CDH12: variants seen among roughly 807,000 people sequenced by gnomAD.
The protein encoded by CDH12 is cadherin-12.
A neutral mutation model predicts 74.1 loss-of-function variants in CDH12; 41 were observed. That is an observed-to-expected ratio of 0.55 (90% CI 0.43 to 0.72). CDH12 has a LOEUF of 0.72. Ranked by LOEUF, CDH12 falls within the 30% of genes least tolerant of loss-of-function variation. The pLI, the probability that CDH12 is intolerant of heterozygous loss-of-function variation, is 0.00. For missense variants in CDH12, 945 were observed against 977.2 expected (o/e 0.97, Z 0.44); for synonymous variants, 399 against 355.0 (o/e 1.12, Z -1.39).
chr5:22,380,373 T>C (rs1367514892), intron 3 of CDH12, among the ~76,000 whole-genome samples: 1 of 152,206 alleles, frequency 6.6e-6, no homozygotes, highest in African/African-American at 2.4e-5. Flanking sequence ...GTTCTTTTGT[T>C]ATAACTCTCT....
At chr5:22,836,251 T>C (rs543217914) in intron 1 of CDH12, among the ~76,000 whole-genome samples, 1 of 129,294 alleles carries the variant, frequency 7.7e-6, no homozygotes, top group East Asian at 2.6e-4. Flanking sequence ...TGAGACAGAG[T>C]CTCGCTCTGT....
chr5:22,317,392 CAT>C (rs1738678811), intron 3 of CDH12, among the ~76,000 whole-genome samples: 1 of 151,846 alleles, frequency 6.6e-6, no homozygotes, highest in African/African-American at 2.4e-5. Flanking sequence ...TGAAAGAAAA[CAT>C]ATTCACAAAT....
chr5:21,842,111 A>G (rs766189327), intron 8 of CDH12, 50 bp downstream of exon 8: 2 of 1,431,780 alleles, frequency 1.4e-6, no homozygotes, highest in Non-Finnish European at 1.9e-6. Flanking sequence ...TGACACCATT[A>G]AATTTTTTTA....
chr5:21,761,585 T>C (rs1413543132), intron 12 of CDH12, among the ~76,000 whole-genome samples: 1 of 152,076 alleles, frequency 6.6e-6, no homozygotes, highest in African/African-American at 2.4e-5. Context: ...TCCCAGTGTG[T>C]AAAGCATGCA....
chr5:21,759,257 CTT>C (rs147142001), intron 13 of CDH12, among the ~76,000 whole-genome samples: 7 of 149,090 alleles, frequency 4.7e-5, no homozygotes, highest in Non-Finnish European at 7.5e-5. Flanking sequence ...TGTTAAGTGG[CTT>C]TTTTTTTAAT....
intron 13 of CDH12, among the ~76,000 whole-genome samples, chr5:21,758,520 A>C (rs1216518873): frequency 6.6e-6 from 1 of 152,170 alleles, no homozygotes; most frequent in Non-Finnish European, 1.5e-5. Context: ...TTTTATTATC[A>C]GGTTATAAAA....
rs565769897 is a variant in CDH12, at chr5:22,075,412, G to A, written c.231+3034C>T. ...ACCAACATGGCACATGTATACATCT[G>A]TAACAAACCTGCACGTTGTGCACAT... On this transcript the variant is annotated intron_variant, in intron 5 of 14. Transcript: ENST00000382254. 1.9e-4 allele frequency among the ~76,000 whole-genome samples: 29 copies of A among 151,886 alleles called. No homozygotes were observed. In the South Asian group the frequency reaches 6.0e-3, roughly 32 times the overall value.
chr5:22,388,161 T>A (rs1742082412), intron 3 of CDH12, among the ~76,000 whole-genome samples: 2 of 152,138 alleles, frequency 1.3e-5, no homozygotes. Context: ...GAAAATATTC[T>A]TTTGTGAGTC....
At chr5:22,107,599 A>G (rs1744551770) in intron 4 of CDH12, among the ~76,000 whole-genome samples, 1 of 152,000 alleles carries the variant, frequency 6.6e-6, no homozygotes, top group Admixed American at 6.6e-5. Context: ...ATAAAATGTG[A>G]AGATTAATTA....
intron 5 of CDH12, among the ~76,000 whole-genome samples, chr5:22,035,706 T>TCACACA (rs1386026784): frequency 1.6e-3 from 191 of 117,038 alleles, no homozygotes; most frequent in African/African-American, 6.4e-3. Context: ...TTTTTACACT[T>TCACACA]CACACATACA....
chr5:22,558,313 A>G (rs1738893464), intron 1 of CDH12, among the ~76,000 whole-genome samples: 1 of 152,108 alleles, frequency 6.6e-6, no homozygotes. Flanking sequence ...GTCTCACCTC[A>G]GATATCAGGA....
At chr5:22,437,604 C>T (rs1407245365) in intron 2 of CDH12, among the ~76,000 whole-genome samples, 1 of 150,730 alleles carries the variant, frequency 6.6e-6, no homozygotes, top group East Asian at 1.9e-4. Flanking sequence ...AAAGTACATT[C>T]TTTTATAAAT....
At chr5:22,108,877 T>G (rs1744656810) in intron 4 of CDH12, among the ~76,000 whole-genome samples, 1 of 152,150 alleles carries the variant, frequency 6.6e-6, no homozygotes, top group Admixed American at 6.5e-5. Flanking sequence ...CAACCCCCAT[T>G]AGAAAATGAA....
At chr5:22,281,571 C>T (rs949183470) in intron 3 of CDH12, among the ~76,000 whole-genome samples, 3 of 152,120 alleles carry the variant, frequency 2.0e-5, no homozygotes, top group African/African-American at 7.2e-5. Flanking sequence ...CATTTCTATA[C>T]ACAAATAATA....
intron 2 of CDH12, among the ~76,000 whole-genome samples, chr5:22,495,551 A>G (rs1476832519): frequency 2.6e-5 from 4 of 152,176 alleles, no homozygotes; most frequent in Non-Finnish European, 1.5e-5. Context: ...ATGAAACATG[A>G]AAAGAGTCTG....
At chr5:22,346,623 A>G (rs1434098155) in intron 3 of CDH12, among the ~76,000 whole-genome samples, 1 of 152,234 alleles carries the variant, frequency 6.6e-6, no homozygotes, top group Non-Finnish European at 1.5e-5. Flanking sequence ...AGAAATGTCA[A>G]TCTGGGAGTT....
At chr5:21,852,763 T>C (rs909718972) in intron 7 of CDH12, among the ~76,000 whole-genome samples, 3 of 151,390 alleles carry the variant, frequency 2.0e-5, no homozygotes, top group Non-Finnish European at 4.4e-5. Flanking sequence ...TCTTCACCAA[T>C]CTCTATACAC....
chr5:22,775,885 T>C (rs1433766162), intron 1 of CDH12, among the ~76,000 whole-genome samples: 8 of 152,040 alleles, frequency 5.3e-5, no homozygotes, highest in Admixed American at 1.3e-4. Flanking sequence ...TGGGGGCCGG[T>C]CTTTCCCATG....
chr5:22,546,757 C>A (rs1011822878), intron 1 of CDH12, among the ~76,000 whole-genome samples: 1 of 151,966 alleles, frequency 6.6e-6, no homozygotes, highest in Non-Finnish European at 1.5e-5. Flanking sequence ...CATATGTATG[C>A]ACAATAAAAA....
Sources: allele counts gnomAD v4.1 joint callset (sites outside exome capture counted in the v4.1 genomes callset), GRCh38; gene constraint gnomAD v4.1.1; transcripts MANE v1.5; gene names NCBI Gene and HGNC (gene_info 2026-07-23, HGNC 2026-07-21).